The following PRKAR1B variants were observed in gnomAD, a reference collection of about 807,000 sequenced individuals.
PRKAR1B encodes cAMP-dependent protein kinase type I-beta regulatory subunit.
A neutral mutation model predicts 46.5 loss-of-function variants in PRKAR1B; 22 were observed. The ratio of observed to expected loss-of-function variants is 0.47; its 90% confidence interval spans 0.34 to 0.68. PRKAR1B has a LOEUF of 0.68. PRKAR1B is among the 30% of genes least tolerant of loss of function. The pLI is 0.01. For missense variants in PRKAR1B, 445 were observed against 535.6 expected (o/e 0.83, Z 1.67); for synonymous variants, 259 against 217.7 (o/e 1.19, Z -1.67).
At chr7:685,524 A>G (rs1286212434) in intron 2 of PRKAR1B, among the ~76,000 whole-genome samples, 1 of 151,012 alleles carries the variant, frequency 6.6e-6, no homozygotes, top group Non-Finnish European at 1.5e-5. Flanking sequence ...GAAGAACATG[A>G]GTGTCTTGGT....
chr7:568,938 G>A (rs1779333571), intron 9 of PRKAR1B, among the ~76,000 whole-genome samples: 1 of 152,008 alleles, frequency 6.6e-6, no homozygotes, highest in Admixed American at 6.5e-5. Flanking sequence ...GCCGGGGCCC[G>A]CGGGGGGTGG....
chr7:553,826 C>A lies in PRKAR1B; in HGVS notation c.892-2356G>T, dbSNP rs532693930. 3.3e-5 allele frequency among the ~76,000 whole-genome samples: 5 copies of A among 152,380 alleles called. No individual in the cohort carries two copies. In the East Asian group the frequency reaches 9.6e-4, roughly 29 times the overall value. ...CTGGCAGCCCCTGTGACAGCCAGAC[C>A]GCTGCCCTGGCCCCTGATCCGGCCG... On this transcript the variant is annotated intron_variant, in intron 9 of 10. Transcript: ENST00000537384.
intron 4 of PRKAR1B, among the ~76,000 whole-genome samples, chr7:631,790 A>G (rs1363443294): frequency 6.6e-6 from 1 of 151,836 alleles, no homozygotes; most frequent in Non-Finnish European, 1.5e-5. Flanking sequence ...CCATCTCTAA[A>G]AAAAAAAAAA....
At chr7:691,689 C>A (rs1285767506) in intron 2 of PRKAR1B, 1 of 1,281,802 alleles carries the variant, frequency 7.8e-7, no homozygotes, top group African/African-American at 1.5e-5. Flanking sequence ...TGTGACCTCA[C>A]ACGGTCAAAA....
intron 6 of PRKAR1B, chr7:603,343 GGCGGGGTCTT>G (rs1477278213): frequency 1.3e-5 from 2 of 152,454 alleles, no homozygotes; most frequent in African/African-American, 4.8e-5. Flanking sequence ...AGCTGGGCCT[GGCGGGGTCTT>G]GTAGGATGTG....
intron 1 of PRKAR1B, among the ~76,000 whole-genome samples, chr7:715,950 C>T (rs1241395105): frequency 7.9e-5 from 12 of 152,110 alleles, no homozygotes; most frequent in African/African-American, 9.7e-5. Flanking sequence ...CTCCTGACCT[C>T]GTGATCCGCC....
chr7:601,184 G>A lies in PRKAR1B; in HGVS notation c.550-4880C>T, dbSNP rs9691785. Among the ~76,000 whole-genome samples the A allele has an allele frequency of 2.1e-3, 323 of 152,328 alleles. 1 individual carries two copies. The highest frequency in any genetic ancestry group is 7.5e-3 in the African/African-American group (311 of 41,572). On this transcript the variant is annotated intron_variant, in intron 6 of 10. Coordinates refer to ENST00000537384, the MANE Select transcript of PRKAR1B (RefSeq NM_001164760.2). Reference sequence around the variant, plus strand: ...AGTTAAATACCCACGGCAAACGGCCGTCCCTTCCCGCCACGCAGAATAAAA... The same window carrying A: ...AGTTAAATACCCACGGCAAACGGCCATCCCTTCCCGCCACGCAGAATAAAA...
rs556292061 is a variant in PRKAR1B, at chr7:668,812, T to C, written c.440+8417A>G. Among the ~76,000 whole-genome samples the C allele has an allele frequency of 2.6e-5, 4 of 152,146 alleles. No homozygotes were observed. The South Asian group carries it at 6.3e-4, about 24-fold the overall frequency. On this transcript the variant is annotated intron_variant, in intron 4 of 10. Coordinates refer to ENST00000537384, the MANE Select transcript of PRKAR1B (RefSeq NM_001164760.2). ...CTGAACCTACCTAGAGCCTGGGAGC[T>C]GGGGAGGAGCCCAGAAAGGATTTGA...
intron 2 of PRKAR1B, among the ~76,000 whole-genome samples, chr7:684,547 G>A (rs1778897391): frequency 6.6e-6 from 1 of 152,160 alleles, no homozygotes; most frequent in African/African-American, 2.4e-5. Context: ...AGCAGCCCGG[G>A]GTATGTGAAG....
chr7:680,920 G>A (rs76035365), intron 2 of PRKAR1B, among the ~76,000 whole-genome samples, 194 bp from the exon 3 acceptor site: 2,477 of 152,054 alleles, frequency 0.016, 73 homozygotes, highest in African/African-American at 0.057. Context: ...ATTTCACTTT[G>A]TGTCCCCACT....
chr7:696,343 C>T (rs926409015), intron 2 of PRKAR1B, among the ~76,000 whole-genome samples: 2 of 151,796 alleles, frequency 1.3e-5, no homozygotes, highest in African/African-American at 4.8e-5. Context: ...GCGATCTTGG[C>T]TCACTGCAGC....
At position 607,399 on chromosome 7, in the gene PRKAR1B, A is replaced by G; in HGVS notation, c.494T>C (p.Ile165Thr). ...GAGCAGGCAGAACGTACCTTGCTGT[A>G]TAACAGTCTCCCCAGCGATGTGAGT... ...PVTHIAGETV[I>T]QQGNEGDNFY... Residue 165 changes from isoleucine to threonine, a missense_variant, in exon 5 of 11, where the codon ATA becomes ACA. By Grantham distance (89) the Ile-to-Thr change is moderately conservative (BLOSUM62 -1). Coordinates refer to ENST00000537384, the MANE Select transcript of PRKAR1B (RefSeq NM_001164760.2). 6.2e-7 allele frequency: 1 copy of G among 1,613,768 alleles called. No individual in the cohort carries two copies. The highest frequency in any genetic ancestry group is 8.5e-7 in the Non-Finnish European group (1 of 1,179,714).
At chr7:684,879 C>CACACACAG (rs1778918433) in intron 2 of PRKAR1B, among the ~76,000 whole-genome samples, 1 of 151,164 alleles carries the variant, frequency 6.6e-6, no homozygotes, top group African/African-American at 2.4e-5. Context: ...CACACAGACA[C>CACACACAG]ACACACACAC....
chr7:654,629 TTCA>T (rs1214665634), intron 4 of PRKAR1B, among the ~76,000 whole-genome samples: 5 of 147,250 alleles, frequency 3.4e-5, no homozygotes, highest in South Asian at 2.2e-4. Flanking sequence ...CCTCATCACC[TTCA>T]TCATCACCAT....
At chr7:696,863 G>C (rs1779769315) in intron 2 of PRKAR1B, 1 of 152,500 alleles carries the variant, frequency 6.6e-6, no homozygotes, top group East Asian at 1.9e-4. Flanking sequence ...GGGAGAAAGG[G>C]GGACAGCGAG....
At chr7:699,528 G>A (rs1348137941) in intron 2 of PRKAR1B, among the ~76,000 whole-genome samples, 3 of 152,100 alleles carry the variant, frequency 2.0e-5, no homozygotes, top group Non-Finnish European at 4.4e-5. Flanking sequence ...AGGGCCAGAG[G>A]ACACTAAAGA....
intron 4 of PRKAR1B, among the ~76,000 whole-genome samples, chr7:632,496 G>A (rs1382116868): frequency 6.6e-6 from 1 of 152,226 alleles, no homozygotes; most frequent in Non-Finnish European, 1.5e-5. Flanking sequence ...AAGACCACCA[G>A]TGTCCCCGCT....
At position 673,077 on chromosome 7, in the gene PRKAR1B, A is replaced by AAAAC. The variant is rs1554301104; in HGVS notation, c.440+4151_440+4152insGTTT. 8.2e-4 allele frequency among the ~76,000 whole-genome samples: 95 copies of AAAAC among 116,234 alleles called. 1 individual carries two copies. The highest frequency in any genetic ancestry group is 2.9e-3 in the African/African-American group (75 of 25,830). 76.3% of individuals were successfully genotyped at this position (116,234 alleles called of 152,430 possible). On this transcript the variant is annotated intron_variant, in intron 4 of 10. Coordinates refer to ENST00000537384, the MANE Select transcript of PRKAR1B (RefSeq NM_001164760.2). ...AAAAAAAAAAAAAAAAAAAAAAAAA[A>AAAAC]ACACACACACACAGAATGGACAGCT...
At chr7:694,000 C>T (rs1176624613) in intron 2 of PRKAR1B, among the ~76,000 whole-genome samples, 1 of 152,188 alleles carries the variant, frequency 6.6e-6, no homozygotes, top group East Asian at 1.9e-4. Context: ...GAGACCTGGA[C>T]TCGGCCGGGC....
Sources: allele counts gnomAD v4.1 joint callset (sites outside exome capture counted in the v4.1 genomes callset), GRCh38; gene constraint gnomAD v4.1.1; transcripts MANE v1.5; gene names NCBI Gene and HGNC (gene_info 2026-07-23, HGNC 2026-07-21).